The following CDKAL1 variants were observed in gnomAD, a reference collection of about 807,000 sequenced individuals.
The protein encoded by CDKAL1 is CDKAL1 threonylcarbamoyladenosine tRNA methylthiotransferase, also known as threonylcarbamoyladenosine tRNA methylthiotransferase.
In CDKAL1, 32 loss-of-function variants were observed where a neutral mutation model predicts 68.2. The ratio of observed to expected loss-of-function variants is 0.47; its 90% CI spans 0.35 to 0.63. CDKAL1 has a LOEUF of 0.63. Ranked by LOEUF, CDKAL1 falls within the 30% of genes least tolerant of loss-of-function variation. The pLI, the probability that CDKAL1 is intolerant of heterozygous loss-of-function variation, is 0.00. For synonymous variants in CDKAL1, 234 were observed against 244.3 expected (o/e 0.96, Z 0.39); for missense variants, 606 against 696.7 (o/e 0.87, Z 1.47).
intron 4 of CDKAL1, among the ~76,000 whole-genome samples, chr6:20,594,604 G>A (rs1354557949): frequency 1.3e-5 from 2 of 152,122 alleles, no homozygotes; most frequent in Non-Finnish European, 2.9e-5. Flanking sequence ...CCTGAATACA[G>A]CATGCCGACG....
chr6:20,745,589 A>G (rs974917988), intron 6 of CDKAL1, among the ~76,000 whole-genome samples: 3 of 152,020 alleles, frequency 2.0e-5, no homozygotes, highest in African/African-American at 7.3e-5. Flanking sequence ...CTGTATTCAT[A>G]TATGTTTCAC....
rs117570096 is a variant in CDKAL1 at position 20,852,511 on chromosome 6, A to G, written c.742+6333A>G. ...ATATAATATTAAAATGTAACCTTTA[A>G]AAGACATTTTTTGGGAGAACTAAAT... On this transcript the variant is annotated intron_variant, in intron 9 of 15. Coordinates refer to ENST00000274695, the MANE Select transcript of CDKAL1 (RefSeq NM_017774.3). Among the ~76,000 whole-genome samples the G allele has an allele frequency of 1.3e-4, 20 of 152,368 alleles. 1 individual carries two copies. The East Asian group carries it at 3.7e-3, about 28-fold the overall frequency.
At chr6:21,197,083 G>T (rs1029002442) in intron 13 of CDKAL1, among the ~76,000 whole-genome samples, 1 of 151,832 alleles carries the variant, frequency 6.6e-6, no homozygotes, top group Non-Finnish European at 1.5e-5. Flanking sequence ...GTTTGAACCC[G>T]GGAGGCGGAA....
At chr6:20,632,840 C>T (rs1013361337) in intron 4 of CDKAL1, among the ~76,000 whole-genome samples, 2 of 152,144 alleles carry the variant, frequency 1.3e-5, no homozygotes, top group African/African-American at 4.8e-5. Flanking sequence ...ACGGGCCCAT[C>T]TGTGGGCACA....
At chr6:20,848,916 C>T (rs1019552983) in intron 9 of CDKAL1, among the ~76,000 whole-genome samples, 12 of 151,990 alleles carry the variant, frequency 7.9e-5, no homozygotes, top group Non-Finnish European at 1.3e-4. Flanking sequence ...CCTCAGCCTC[C>T]GCAGTAGTGG....
chr6:20,967,463 ATTAAC>A (rs1765374997), intron 10 of CDKAL1, among the ~76,000 whole-genome samples: 1 of 152,162 alleles, frequency 6.6e-6, no homozygotes, highest in South Asian at 2.1e-4. Flanking sequence ...TTTGATCAAT[ATTAAC>A]TTAATTATAA....
intron 9 of CDKAL1, among the ~76,000 whole-genome samples, chr6:20,879,348 G>C (rs1336943260): frequency 2.6e-5 from 4 of 152,204 alleles, no homozygotes; most frequent in Non-Finnish European, 4.4e-5. Context: ...GTCAGGAGGA[G>C]TAGAGTACAC....
intron 6 of CDKAL1, among the ~76,000 whole-genome samples, chr6:20,741,039 T>C (rs1773432935): frequency 6.6e-6 from 1 of 151,990 alleles, no homozygotes; most frequent in Non-Finnish European, 1.5e-5. Flanking sequence ...AATAGCAGAA[T>C]TTCTCTAGTA....
chr6:20,998,691 C>T (rs1767258099), intron 10 of CDKAL1, among the ~76,000 whole-genome samples: 1 of 151,672 alleles, frequency 6.6e-6, no homozygotes, highest in Non-Finnish European at 1.5e-5. Context: ...AAAGTGTATC[C>T]AGCTGCTTTT....
chr6:20,861,316 G>A (rs185826063), intron 9 of CDKAL1, among the ~76,000 whole-genome samples: 10 of 152,310 alleles, frequency 6.6e-5, no homozygotes, highest in African/African-American at 2.2e-4. Flanking sequence ...ATGGGAGAAG[G>A]TCCCGTCTGA....
At chr6:20,649,562 TTTAAA>T (rs1343740801) in intron 5 of CDKAL1, among the ~76,000 whole-genome samples, 185 bp downstream of exon 5, 3 of 152,208 alleles carry the variant, frequency 2.0e-5, no homozygotes, top group African/African-American at 7.2e-5. Flanking sequence ...ATTTTTTATT[TTTAAA>T]TTAAATTTAC....
intron 4 of CDKAL1, among the ~76,000 whole-genome samples, chr6:20,562,898 A>G (rs987492867): frequency 6.6e-6 from 1 of 152,204 alleles, no homozygotes; most frequent in African/African-American, 2.4e-5. Context: ...TGAAGTAACT[A>G]CATTTCTGAG....
chr6:20,767,118 T>G (rs935392731), intron 7 of CDKAL1, among the ~76,000 whole-genome samples: 2 of 152,160 alleles, frequency 1.3e-5, no homozygotes, highest in Non-Finnish European at 2.9e-5. Flanking sequence ...ATCATGTGCT[T>G]TATTACGTGA....
chr6:20,588,683 C>T (rs1765473743), intron 4 of CDKAL1, among the ~76,000 whole-genome samples: 1 of 152,108 alleles, frequency 6.6e-6, no homozygotes, highest in South Asian at 2.1e-4. Flanking sequence ...TAAGAGGCAA[C>T]ATTAGTAAAA....
intron 9 of CDKAL1, among the ~76,000 whole-genome samples, chr6:20,914,639 T>G (rs776390651): frequency 7.9e-5 from 12 of 152,360 alleles, no homozygotes; most frequent in Admixed American, 1.3e-4. Flanking sequence ...ATGGCAGAGA[T>G]ATTAACACTA....
chr6:20,754,542 T>C (rs1324413141), intron 6 of CDKAL1, among the ~76,000 whole-genome samples: 2 of 152,318 alleles, frequency 1.3e-5, no homozygotes, highest in East Asian at 1.9e-4. Flanking sequence ...CATTTCCTGG[T>C]TGGCTAATGA....
At chr6:20,690,628 CAAAA>C (rs1770828137) in intron 5 of CDKAL1, among the ~76,000 whole-genome samples, 1 of 151,916 alleles carries the variant, frequency 6.6e-6, no homozygotes, top group Non-Finnish European at 1.5e-5. Context: ...TGATTATAAA[CAAAA>C]TAGAATTTTT....
intron 11 of CDKAL1, among the ~76,000 whole-genome samples, chr6:21,004,486 A>G (rs1767618361): frequency 6.6e-6 from 1 of 152,192 alleles, no homozygotes; most frequent in East Asian, 1.9e-4. Flanking sequence ...ACAGCTGGCC[A>G]TGAGCAATCA....
intron 15 of CDKAL1, among the ~76,000 whole-genome samples, chr6:21,205,929 G>A (rs985784911): frequency 7.0e-6 from 1 of 143,632 alleles, no homozygotes; most frequent in African/African-American, 2.7e-5. Flanking sequence ...CCGCCTCCCG[G>A]GTTCACGCCA....
Sources: allele counts gnomAD v4.1 joint callset (sites outside exome capture counted in the v4.1 genomes callset), GRCh38; gene constraint gnomAD v4.1.1; transcripts MANE v1.5; gene names NCBI Gene and HGNC (gene_info 2026-07-23, HGNC 2026-07-21).